GABRG3: variants seen among roughly 807,000 people sequenced by gnomAD.
GABRG3 encodes the protein gamma-aminobutyric acid receptor subunit gamma-3.
GABRG3 carries 25 observed loss-of-function variants against 48.8 expected under a neutral mutation model. The observed-to-expected ratio is 0.51, with a 90% CI of 0.37 to 0.72. The LOEUF (loss-of-function observed/expected upper bound fraction) is 0.72, where lower values mean the gene tolerates loss of function less well. Among genes scored for constraint, GABRG3 ranks in the 30% least tolerant of loss-of-function variants. GABRG3 has a pLI of 0.00. For synonymous variants in GABRG3, 227 were observed against 217.6 expected (o/e 1.04, Z -0.38); for missense variants, 394 against 577.9 (o/e 0.68, Z 3.26).
At chr15:27,524,720 A>C (rs578012556) in intron 7 of GABRG3, among the ~76,000 whole-genome samples, 1 of 152,282 alleles carries the variant, frequency 6.6e-6, no homozygotes, top group Non-Finnish European at 1.5e-5. Flanking sequence ...ACACGCCTCA[A>C]AAACACTGTA....
intron 3 of GABRG3, among the ~76,000 whole-genome samples, chr15:27,229,527 A>T (rs1889733846): frequency 6.6e-6 from 1 of 151,636 alleles, no homozygotes; most frequent in Admixed American, 6.6e-5. Context: ...CTCAGGCTGG[A>T]GTGCAGTGGT....
intron 3 of GABRG3, among the ~76,000 whole-genome samples, chr15:27,314,959 A>C (rs186808922): frequency 6.5e-4 from 99 of 152,282 alleles, no homozygotes; most frequent in African/African-American, 2.3e-3. Flanking sequence ...ATAAAAGATG[A>C]ATAAGTTCTC....
intron 5 of GABRG3, among the ~76,000 whole-genome samples, chr15:27,379,398 A>G (rs937895802): frequency 3.9e-5 from 6 of 152,182 alleles, no homozygotes; most frequent in African/African-American, 1.4e-4. Context: ...TTTATCCATA[A>G]GCTATAATCA....
intron 3 of GABRG3, among the ~76,000 whole-genome samples, chr15:27,307,842 T>C (rs1892710004): frequency 7.4e-6 from 1 of 135,380 alleles, no homozygotes; most frequent in Non-Finnish European, 1.5e-5. Context: ...ATATATAAAA[T>C]AAACATGTTT....
rs1887884121 is a variant in GABRG3, at chr15:27,180,213, C to T, written c.271-146596C>T. 6.6e-6 allele frequency among the ~76,000 whole-genome samples: 1 copy of T among 152,062 alleles called. No individual in the cohort carries two copies. Among genetic ancestry groups the T allele is most frequent in the Non-Finnish European group, 1.5e-5 (1 of 68,032 alleles). ...TGAACACACACTTTTTCTGAAGGAC[C>T]TTAGCACGGTCTAAATAAAGTTTGT... On this transcript the variant is annotated intron_variant, in intron 3 of 9. Transcript: ENST00000615808. The surrounding 1 kb of genome is among the most constrained non-coding windows in gnomAD (Gnocchi z 4.2).
intron 3 of GABRG3, among the ~76,000 whole-genome samples, chr15:27,091,097 C>G (rs1305870844): frequency 6.6e-6 from 1 of 152,310 alleles, no homozygotes; most frequent in East Asian, 1.9e-4. Flanking sequence ...AGGGTGCAGT[C>G]TTGTCATTGA....
At chr15:27,202,756 A>G (rs1384065714) in intron 3 of GABRG3, among the ~76,000 whole-genome samples, 2 of 152,052 alleles carry the variant, frequency 1.3e-5, no homozygotes, top group East Asian at 3.9e-4. Flanking sequence ...TCTCTTTTAT[A>G]TGGTTTTATT....
intron 5 of GABRG3, among the ~76,000 whole-genome samples, chr15:27,335,986 G>C (rs940362703): frequency 6.6e-6 from 1 of 152,036 alleles, no homozygotes; most frequent in African/African-American, 2.4e-5. Flanking sequence ...TCAGGAGTTT[G>C]AGACCAGCGT....
At chr15:27,373,079 T>TGA (rs58982453) in intron 5 of GABRG3, among the ~76,000 whole-genome samples, 23,836 of 152,100 alleles carry the variant, frequency 0.16, 2,935 homozygotes, top group African/African-American at 0.35. Flanking sequence ...TAAAATGCAG[T>TGA]GAGAAGGGTG....
rs373012943 is a variant in GABRG3 at position 27,236,170 on chromosome 15, C to G, written c.271-90639C>G. On this transcript the variant is annotated intron_variant, in intron 3 of 9. Coordinates refer to ENST00000615808, the MANE Select transcript of GABRG3 (RefSeq NM_033223.5). The surrounding 1 kb of genome is among the most constrained non-coding windows in gnomAD (Gnocchi z 4.4). ...AGACCCAGAACACTTTTCTGTAAACCGTGTCCGGCGTACATGGAAGCATCT... is the reference window on the plus strand; with the variant it reads ...AGACCCAGAACACTTTTCTGTAAACGGTGTCCGGCGTACATGGAAGCATCT... 6.6e-6 allele frequency among the ~76,000 whole-genome samples: 1 copy of G among 152,154 alleles called. No individual in the cohort carries two copies. Among genetic ancestry groups the G allele is most frequent in the African/African-American group, 2.4e-5 (1 of 41,424 alleles).
chr15:27,011,097 C>A (rs1895677590), intron 2 of GABRG3, among the ~76,000 whole-genome samples: 1 of 152,046 alleles, frequency 6.6e-6, no homozygotes, highest in South Asian at 2.1e-4. Flanking sequence ...GAACTCCTGA[C>A]CTCAAGTGAT....
chr15:27,194,772 T>C (rs1888441002), intron 3 of GABRG3, among the ~76,000 whole-genome samples: 4 of 152,202 alleles, frequency 2.6e-5, no homozygotes, highest in Admixed American at 2.6e-4. Context: ...GCCTCTTGAA[T>C]ATGTAGGCTT....
intron 5 of GABRG3, among the ~76,000 whole-genome samples, chr15:27,416,232 C>T (rs1887936761): frequency 6.6e-6 from 1 of 152,178 alleles, no homozygotes; most frequent in Admixed American, 6.5e-5. Flanking sequence ...GGCCTCTAAT[C>T]ATATGGTGGT....
chr15:27,302,986 G>C (rs1332642813), intron 3 of GABRG3, among the ~76,000 whole-genome samples: 1 of 151,858 alleles, frequency 6.6e-6, no homozygotes, highest in African/African-American at 2.4e-5. Flanking sequence ...AGACTGCTTA[G>C]AGAGAAATTT....
At chr15:27,317,384 A>T (rs1893267429) in intron 3 of GABRG3, among the ~76,000 whole-genome samples, 1 of 152,212 alleles carries the variant, frequency 6.6e-6, no homozygotes, top group Non-Finnish European at 1.5e-5. Flanking sequence ...TTACCAATGT[A>T]GTCGTGGCCT....
In GABRG3 at chr15:27,026,814, T is replaced by C; in HGVS notation, c.263T>C (p.Ile88Thr). The change falls in exon 3 of 10, where the codon ATA becomes ACA. Residue 88 changes from isoleucine to threonine, a missense_variant. Transcript: ENST00000615808. The part of the protein sequence containing the change: ...YVNSIGPVSS[I>T]NMEYQIDIFF... ...AACAGCATTGGTCCTGTGTCATCAA[T>C]AAACATGGTAAGAAGCTCCTTTATT... 1 of 1,605,374 alleles carries C rather than the reference T, an allele frequency of 6.2e-7. No individual in the cohort carries two copies. Among genetic ancestry groups the C allele is most frequent in the Non-Finnish European group, 8.5e-7 (1 of 1,176,516 alleles).
chr15:27,112,362 C>T (rs772478485), intron 3 of GABRG3, among the ~76,000 whole-genome samples: 20 of 152,120 alleles, frequency 1.3e-4, no homozygotes, highest in African/African-American at 3.4e-4. Flanking sequence ...TATATGTATG[C>T]GCAGATTCTT....
intron 3 of GABRG3, among the ~76,000 whole-genome samples, chr15:27,171,735 A>G (rs1887579257): frequency 6.6e-6 from 1 of 152,082 alleles, no homozygotes; most frequent in Non-Finnish European, 1.5e-5. Context: ...CAAGATACAT[A>G]TGTGTGGTGC....
chr15:27,365,023 T>C (rs142177932), intron 5 of GABRG3: 1 of 152,256 alleles, frequency 6.6e-6, no homozygotes, highest in East Asian at 1.9e-4. Flanking sequence ...GTGAGAGAAC[T>C]TGGGAGTTCC....
Sources: gnomAD v4.1 joint callset for allele counts (sites outside exome capture counted in the v4.1 genomes callset) on GRCh38, gnomAD v4.1.1 for gene constraint, Gnocchi (gnomAD v3.1) non-coding constraint, MANE v1.5 for transcripts, NCBI Gene and HGNC (gene_info 2026-07-23, HGNC 2026-07-21) for gene names.